Variants in ABHD18 observed in about 807,000 individuals in gnomAD.
ABHD18 encodes cardiolipin-specific deacylase, mitochondrial.
A neutral mutation model predicts 65.9 loss-of-function variants in ABHD18; 55 were observed. The ratio of observed to expected loss-of-function variants is 0.84; its 90% CI spans 0.67 to 1.05. ABHD18 has a LOEUF of 1.05. Among genes scored for constraint, ABHD18 ranks in the 50% least tolerant of loss-of-function variants. ABHD18 has a pLI of 0.00. For missense variants in ABHD18, 533 were observed against 558.5 expected (o/e 0.95, Z 0.46); for synonymous variants, 181 against 180.2 (o/e 1.00, Z -0.04).
At chr4:127,980,825 C>CA (rs768450115) in intron 1 of ABHD18, among the ~76,000 whole-genome samples, 4,208 of 45,268 alleles carry the variant, frequency 0.093, 287 homozygotes, top group African/African-American at 0.2. Flanking sequence ...GACTGCATCT[C>CA]AAAAAAAAAA....
chr4:127,994,441 G>A (rs931655427), intron 4 of ABHD18, among the ~76,000 whole-genome samples: 2 of 152,054 alleles, frequency 1.3e-5, no homozygotes, highest in African/African-American at 2.4e-5. Flanking sequence ...ACAAAAATTA[G>A]CAGGGCATGA....
intron 4 of ABHD18, among the ~76,000 whole-genome samples, chr4:128,008,035 G>A (rs1279858416): frequency 6.6e-6 from 1 of 151,960 alleles, no homozygotes; most frequent in East Asian, 1.9e-4. Context: ...AGGCTGAGGC[G>A]GGTGGATCAC....
chr4:127,984,211 A>G, intron 2 of ABHD18, 128 bp from the exon 3 acceptor site: 1 of 518,384 alleles, frequency 1.9e-6, no homozygotes, highest in Non-Finnish European at 3.5e-6. Flanking sequence ...ATCAAAATTA[A>G]ATTTTAATAT....
chr4:128,014,772 AC>A (rs1277080279), intron 7 of ABHD18, among the ~76,000 whole-genome samples: 2 of 145,504 alleles, frequency 1.4e-5, no homozygotes, highest in Non-Finnish European at 3.0e-5. Flanking sequence ...TACAAAATAT[AC>A]CCCCCGCCCC....
intron 1 of ABHD18, among the ~76,000 whole-genome samples, chr4:127,968,980 T>C (rs1019476382): frequency 4.6e-5 from 7 of 152,166 alleles, no homozygotes; most frequent in Non-Finnish European, 7.3e-5. Flanking sequence ...TTCTTGGAGC[T>C]GAAATGGGAT....
intron 7 of ABHD18, among the ~76,000 whole-genome samples, chr4:128,016,876 T>G (rs1422416648): frequency 6.6e-6 from 1 of 152,194 alleles, no homozygotes; most frequent in East Asian, 1.9e-4. Flanking sequence ...AAGTTTTAGG[T>G]GATTTGATAT....
intron 1 of ABHD18, among the ~76,000 whole-genome samples, chr4:127,981,668 GTAAT>G (rs1221527797): frequency 2.0e-5 from 3 of 152,112 alleles, no homozygotes; most frequent in Admixed American, 6.5e-5. Flanking sequence ...TAGGAATCTA[GTAAT>G]TAATACCAGT....
chr4:128,017,580 C>T, intron 8 of ABHD18, 79 bp downstream of exon 8: 2 of 1,291,574 alleles, frequency 1.5e-6, no homozygotes, highest in South Asian at 1.5e-5. Flanking sequence ...TTTAAAAATT[C>T]ACTTTAGGTA....
intron 10 of ABHD18, among the ~76,000 whole-genome samples, chr4:128,026,163 C>T (rs1240643443): frequency 6.6e-6 from 1 of 152,188 alleles, no homozygotes; most frequent in African/African-American, 2.4e-5. Context: ...GTGGCAGGCA[C>T]CTGTAATCCC....
At chr4:127,992,079 C>G (rs569823047) in intron 4 of ABHD18, among the ~76,000 whole-genome samples, 2 of 152,252 alleles carry the variant, frequency 1.3e-5, no homozygotes, top group East Asian at 3.9e-4. Flanking sequence ...AACCCTAAGT[C>G]TACTCTTTAT....
rs1291270693 is a variant in ABHD18, at chr4:128,038,186, C to T, written c.*2373C>T. 1.3e-5 allele frequency: 2 copies of T among 152,194 alleles called. No homozygotes were observed. The highest frequency in any genetic ancestry group is 4.8e-5 in the African/African-American group (2 of 41,448). The allele number at this position is 152,194 out of a possible 1,614,324, so 9.4% of individuals were successfully genotyped here. A position where few individuals can be genotyped will look rare whatever the true frequency, so the allele number is the denominator to read the frequency against. Reference sequence around the variant, plus strand: ...CAAAGTAGTAACTTCTTTCAAACTACTTTGGCATAACAAGCCAACACTGTA... The same window carrying T: ...CAAAGTAGTAACTTCTTTCAAACTATTTTGGCATAACAAGCCAACACTGTA... On this transcript the variant is annotated 3_prime_UTR_variant, in exon 13 of 13. Transcript: ENST00000645843.
chr4:128,004,637 G>A (rs1303425974), intron 4 of ABHD18, among the ~76,000 whole-genome samples: 5 of 151,860 alleles, frequency 3.3e-5, no homozygotes, highest in East Asian at 2.0e-4. Flanking sequence ...AGAGCCGGGC[G>A]CAGTGGTTCA....
At chr4:128,025,654 C>T (rs1757231341) in intron 10 of ABHD18, among the ~76,000 whole-genome samples, 1 of 152,116 alleles carries the variant, frequency 6.6e-6, no homozygotes, top group African/African-American at 2.4e-5. Context: ...AATATGATTG[C>T]TGAGTCAAGG....
At chr4:128,007,904 T>C (rs1466802163) in intron 4 of ABHD18, among the ~76,000 whole-genome samples, 2 of 152,150 alleles carry the variant, frequency 1.3e-5, no homozygotes, top group Non-Finnish European at 2.9e-5. Context: ...CTTATTGATA[T>C]ATCAACAGCT....
intron 8 of ABHD18, 114 bp downstream of exon 8, chr4:128,017,615 G>A: frequency 1.0e-6 from 1 of 960,234 alleles, no homozygotes. Context: ...GTAAAAGTAG[G>A]AAGCAGAAAC....
rs749023538 is a variant in ABHD18 at position 128,028,721 on chromosome 4, G to C, written c.1048G>C (p.Gly350Arg). 1 of 1,613,840 alleles carries C rather than the reference G, an allele frequency of 6.2e-7. No individual in the cohort carries two copies. The highest frequency in any genetic ancestry group is 8.5e-7 in the Non-Finnish European group (1 of 1,179,864). The change falls in exon 11 of 13, where the codon GGT becomes CGT. Residue 350 changes from glycine to arginine, a missense_variant. Physicochemically the swap from Gly to Arg is moderately radical, Grantham distance 125 (BLOSUM62 -2). Around this residue, in one of 3 missense-constraint regions of ABHD18, gnomAD observed 220 missense variants for 226.8 expected, o/e 0.97. Transcript: ENST00000645843. ...TCAAACACTTTCAACCAACAAAAGT[G>C]GTTATACAAGTCGCAACCCTCAGTC... ...FNQTLSTNKS[G>R]YTSRNPQSYH...
At chr4:127,980,401 T>G (rs1048167734) in intron 1 of ABHD18, among the ~76,000 whole-genome samples, 2 of 144,422 alleles carry the variant, frequency 1.4e-5, no homozygotes, top group Non-Finnish European at 3.1e-5. Flanking sequence ...GGTGTTGCTC[T>G]GTTATAGCAA....
chr4:128,011,858 AATTTTT>A (rs1754639597), intron 7 of ABHD18, among the ~76,000 whole-genome samples, 158 bp downstream of exon 7: 1 of 151,892 alleles, frequency 6.6e-6, no homozygotes, highest in African/African-American at 2.4e-5. Context: ...TACTGACTTT[AATTTTT>A]ATTTTTAAGA....
intron 10 of ABHD18, among the ~76,000 whole-genome samples, chr4:128,027,314 A>G (rs1288671479): frequency 6.6e-6 from 1 of 152,250 alleles, no homozygotes; most frequent in African/African-American, 2.4e-5. Context: ...ATATCCCATC[A>G]TTAAGCAACA....
Sources: allele counts gnomAD v4.1 joint callset (sites outside exome capture counted in the v4.1 genomes callset), GRCh38; gene constraint gnomAD v4.1.1; regional missense constraint gnomAD v4.1.1; transcripts MANE v1.5; gene names NCBI Gene and HGNC (gene_info 2026-07-23, HGNC 2026-07-21).